The following CMTM6 variants were observed in gnomAD, a reference collection of about 807,000 sequenced individuals.
CMTM6 encodes CKLF-like MARVEL transmembrane domain-containing protein 6.
A neutral mutation model predicts 13.6 loss-of-function variants in CMTM6; 5 were observed. The observed-to-expected ratio is 0.37, with a 90% confidence interval of 0.19 to 0.77. CMTM6 has a LOEUF of 0.77. Among genes scored for constraint, CMTM6 ranks in the 30% least tolerant of loss-of-function variants. The pLI is 0.50. For synonymous variants in CMTM6, 99 were observed against 84.5 expected, an observed-to-expected ratio of 1.17 and a Z score of -0.94; for missense variants, 196 against 218.6, an observed-to-expected ratio of 0.90 and a Z score of 0.65.
intron 1 of CMTM6, among the ~76,000 whole-genome samples, chr3:32,500,128 G>T (rs1244419705): frequency 6.6e-6 from 1 of 152,082 alleles, no homozygotes; most frequent in East Asian, 1.9e-4. Context: ...AATTTCACAG[G>T]GTTTGCAGGT....
At chr3:32,495,174 T>C (rs1220977904) in intron 1 of CMTM6, among the ~76,000 whole-genome samples, 1 of 152,010 alleles carries the variant, frequency 6.6e-6, no homozygotes, top group African/African-American at 2.4e-5. Context: ...AGAATTTATA[T>C]AAAAGAAAAA....
At position 32,483,239 on chromosome 3, in the gene CMTM6, CTT is replaced by C. The variant is rs994099060; in HGVS notation, c.*719_*720del. The C allele has an allele frequency of 2.6e-5, 4 of 152,388 alleles. No homozygotes were observed. The highest frequency in any genetic ancestry group is 9.7e-5 in the African/African-American group (4 of 41,364). The allele number at this position is 152,388 out of a possible 1,614,324, so 9.4% of individuals were successfully genotyped here. Reference sequence around the variant, plus strand: ...ATTTTTTTATGTGTTACAAAACAATCTTTTTTTTACTTGACATCAACAACCAA... The same window carrying C: ...ATTTTTTTATGTGTTACAAAACAATCTTTTTTACTTGACATCAACAACCAA... On this transcript the variant is annotated 3_prime_UTR_variant, in exon 4 of 4. Coordinates refer to ENST00000205636, the MANE Select transcript of CMTM6 (RefSeq NM_017801.3).
chr3:32,493,287 A>C (rs961931290), intron 1 of CMTM6, among the ~76,000 whole-genome samples: 2 of 152,188 alleles, frequency 1.3e-5, no homozygotes, highest in Admixed American at 1.3e-4. Context: ...GATGCTTGGT[A>C]TGGTGAGTGG....
chr3:32,497,642 G>A (rs749771966), intron 1 of CMTM6, among the ~76,000 whole-genome samples: 5 of 151,334 alleles, frequency 3.3e-5, no homozygotes, highest in East Asian at 1.9e-4. Flanking sequence ...GGTGGATCAC[G>A]AGGTCAGGAA....
In CMTM6 at chr3:32,483,858, A is replaced by C; in HGVS notation, c.*102T>G. 8.5e-7 allele frequency: 1 copy of C among 1,169,936 alleles called. No individual in the cohort carries two copies. 72.5% of individuals were successfully genotyped at this position (1,169,936 alleles called of 1,614,324 possible). A position where few individuals can be genotyped will look rare whatever the true frequency, so the allele number is the denominator to read the frequency against. ...TGACCTTCCCCTTGCTCTCCAAAAG[A>C]AGTGGTTTAAACAATTAACAAATTT... On this transcript the variant is annotated 3_prime_UTR_variant, in exon 4 of 4. Coordinates refer to ENST00000205636, the MANE Select transcript of CMTM6 (RefSeq NM_017801.3).
rs528373401 is a variant in CMTM6 at position 32,501,594 on chromosome 3, C to T, written c.138+1014G>A. 4.6e-5 allele frequency among the ~76,000 whole-genome samples: 7 copies of T among 152,290 alleles called. No individual in the cohort carries two copies. The South Asian group carries it at 1.4e-3, about 32-fold the overall frequency. ...ATTTTCCGACTTCTGTTTTTCTATT[C>T]AATAAAAGTAGGTCACTAGAGTTCT... On this transcript the variant is annotated intron_variant, in intron 1 of 3. Transcript: ENST00000205636.
rs1283055485 is a variant in CMTM6, at chr3:32,491,883, G to C, written c.142C>G (p.Leu48Val). 1.2e-6 allele frequency: 2 copies of C among 1,601,740 alleles called. No individual in the cohort carries two copies. Among genetic ancestry groups the C allele is most frequent in the Non-Finnish European group, 1.7e-6 (2 of 1,176,006 alleles). ...RRVLKGLQLL[L>V]SLLAFICEEV... is the part of the protein sequence containing the mutation. ...TCACAGATGAAGGCCAGCAGAGACA[G>C]CAACTACAAATGAAGCAAAACATTT... Residue 48 changes from leucine (L) to valine (V), a missense_variant, in exon 2 of 4, where the codon CTG becomes GTG. Around this residue, in one of 2 missense-constraint regions of CMTM6, gnomAD observed 111 missense variants for 160.0 expected, o/e 0.69. Transcript: ENST00000205636.
rs765523861 is a variant in CMTM6, at chr3:32,502,650, G to GAA, written c.95_96insTT (p.Arg33SerfsTer43). The GAA allele has an allele frequency of 6.3e-7, 1 of 1,595,280 alleles. No individual in the cohort carries two copies. Among genetic ancestry groups the GAA allele is most frequent in the Non-Finnish European group, 8.5e-7 (1 of 1,172,758 alleles). Reference sequence around the variant, plus strand: ...GAACGCGCCGGAGCAATGGGAGCCGGCCCATGAAAAAGTAGGCAGCGAGGC... The same window carrying GAA: ...GAACGCGCCGGAGCAATGGGAGCCGGAACCCATGAAAAAGTAGGCAGCGAGGC... On this transcript the variant is annotated frameshift_variant, in exon 1 of 4. Coordinates refer to ENST00000205636, the MANE Select transcript of CMTM6 (RefSeq NM_017801.3). LOFTEE classifies it high-confidence loss of function.
At chr3:32,488,286 A>C in intron 2 of CMTM6, 2 of 266,422 alleles carry the variant, frequency 7.5e-6, no homozygotes, top group East Asian at 6.7e-5. Context: ...TAATAACAAC[A>C]ATCCCCTATG....
At position 32,488,133 on chromosome 3, in the gene CMTM6, CTTGT is replaced by C. The variant is rs1351092929; in HGVS notation, c.316-101_316-98del. ...AACTTTAAAAAGCTCTGGCTACTTA[CTTGT>C]TTTTCTTGATACAACCCAAACTTAC... On this transcript the variant is annotated intron_variant, in intron 2 of 3. Coordinates refer to ENST00000205636, the MANE Select transcript of CMTM6 (RefSeq NM_017801.3). 3.5e-5 allele frequency: 29 copies of C among 826,292 alleles called. No homozygotes were observed. The African/African-American group carries it at 4.2e-4, about 12-fold the overall frequency. 51.2% of individuals were successfully genotyped at this position (826,292 alleles called of 1,614,324 possible).
At chr3:32,494,635 AAAAC>A (rs1306044891) in intron 1 of CMTM6, among the ~76,000 whole-genome samples, 2 of 152,188 alleles carry the variant, frequency 1.3e-5, no homozygotes, top group Non-Finnish European at 1.5e-5. Context: ...TCCAATGGTT[AAAAC>A]AAACTGTGGT....
At chr3:32,493,644 C>G (rs1375632814) in intron 1 of CMTM6, among the ~76,000 whole-genome samples, 1 of 152,020 alleles carries the variant, frequency 6.6e-6, no homozygotes, top group Non-Finnish European at 1.5e-5. Context: ...ATGTGGAAAT[C>G]TGAGGAATCT....
rs1355930368 is a variant in CMTM6 at position 32,483,769 on chromosome 3, A to AT, written c.*190dup. 1.2e-5 allele frequency: 5 copies of AT among 416,488 alleles called. No individual in the cohort carries two copies. Among genetic ancestry groups the AT allele is most frequent in the Non-Finnish European group, 2.0e-5 (5 of 250,424 alleles). The allele number at this position is 416,488 out of a possible 1,614,324, so 25.8% of individuals were successfully genotyped here. On this transcript the variant is annotated 3_prime_UTR_variant, in exon 4 of 4. Transcript: ENST00000205636. ...AGTTTCAATTATTATTTAAAAAAAA[A>AT]TTTTTTTTAACTTATCTGGCCTACT...
In CMTM6 at chr3:32,491,675, C is replaced by A. The variant is rs771898106; in HGVS notation, c.315+35G>T. 3 of 1,506,748 alleles carry A rather than the reference C, an allele frequency of 2.0e-6. No homozygotes were observed. In the Admixed American group the frequency reaches 6.4e-5, roughly 32 times the overall value. 93.3% of individuals were successfully genotyped at this position (1,506,748 alleles called of 1,614,324 possible). ...AAAATTATGCCAGATTACAAAACAGCTATTAATACAGGGATGATATTTTCT... is the reference window on the plus strand; with the variant it reads ...AAAATTATGCCAGATTACAAAACAGATATTAATACAGGGATGATATTTTCT... On this transcript the variant is annotated intron_variant, in intron 2 of 3. Coordinates refer to ENST00000205636, the MANE Select transcript of CMTM6 (RefSeq NM_017801.3).
rs80029375 is a variant in CMTM6, at chr3:32,495,315, C to T, written c.139-3429G>A. Among the ~76,000 whole-genome samples the T allele has an allele frequency of 4.3e-3, 662 of 152,284 alleles. 12 individuals are homozygous for T. The East Asian group carries it at 0.066, about 15-fold the overall frequency. ...TTAGGTAAGGCATTCCCAATCATTA[C>T]ACCACAGGATATAAAGTGACAACAC... On this transcript the variant is annotated intron_variant, in intron 1 of 3. Coordinates refer to ENST00000205636, the MANE Select transcript of CMTM6 (RefSeq NM_017801.3).
Position 32,502,681 on chromosome 3 carries a change from C to T in CMTM6, c.65G>A (p.Arg22Gln), listed in dbSNP as rs760984074. 7.6e-6 allele frequency: 12 copies of T among 1,588,544 alleles called. No individual in the cohort carries two copies. In the Admixed American group the frequency reaches 1.2e-4, roughly 16 times the overall value. Reference protein sequence around the residue: ...EEDPGPARGPRSGLAAYFFMG... With the variant: ...EEDPGPARGPQSGLAAYFFMG... The stretch of plus-strand genomic sequence containing the variant: ...GAAAAAGTAGGCAGCGAGGCCGCTC[C>T]GGGGGCCTCTGGCGGGGCCCGGGTC... The change falls in exon 1 of 4, where the codon CGG (arginine) becomes CAG (glutamine). Residue 22 changes from arginine (R) to glutamine (Q), a missense_variant. Coordinates refer to ENST00000205636, the MANE Select transcript of CMTM6 (RefSeq NM_017801.3).
chr3:32,495,162 A>G (rs1439014049), intron 1 of CMTM6, among the ~76,000 whole-genome samples: 1 of 152,208 alleles, frequency 6.6e-6, no homozygotes, highest in Non-Finnish European at 1.5e-5. Context: ...CCACAACTGC[A>G]AAGAATTTAT....
intron 1 of CMTM6, among the ~76,000 whole-genome samples, chr3:32,492,350 C>A (rs1354876223): frequency 6.6e-6 from 1 of 152,200 alleles, no homozygotes; most frequent in East Asian, 1.9e-4. Flanking sequence ...CGACCTCCAA[C>A]TTAACTGTCA....
intron 2 of CMTM6, among the ~76,000 whole-genome samples, chr3:32,489,712 C>T (rs1325418205): frequency 2.6e-5 from 4 of 151,232 alleles, no homozygotes; most frequent in Non-Finnish European, 2.9e-5. Context: ...CCCTGTAGTA[C>T]TTTATTTTTT....
Sources: allele counts gnomAD v4.1 joint callset (sites outside exome capture counted in the v4.1 genomes callset), GRCh38; gene constraint gnomAD v4.1.1; regional missense constraint gnomAD v4.1.1; transcripts MANE v1.5; gene names NCBI Gene and HGNC (gene_info 2026-07-23, HGNC 2026-07-21).